Variants in USP32 observed in about 807,000 individuals in gnomAD.
USP32 encodes the protein ubiquitin specific peptidase 32.
USP32 carries 59 observed loss-of-function variants against 204.8 expected under a neutral mutation model. The ratio of observed to expected loss-of-function variants is 0.29; its 90% confidence interval spans 0.23 to 0.36. The LOEUF is 0.36. Ranked by LOEUF, USP32 falls within the 10% of genes least tolerant of loss-of-function variation. USP32 has a pLI of 1.00. For missense variants in USP32, 1,160 were observed against 1,946.4 expected, an observed-to-expected ratio of 0.60 and a Z score of 7.60; for synonymous variants, 517 against 678.4, an observed-to-expected ratio of 0.76 and a Z score of 3.70.
intron 11 of USP32, among the ~76,000 whole-genome samples, chr17:60,242,498 C>T (rs186195295): frequency 5.1e-4 from 77 of 152,172 alleles, no homozygotes; most frequent in Non-Finnish European, 9.0e-4. Flanking sequence ...GCAACCTCCG[C>T]CTCCTGGGCT....
At chr17:60,192,986 C>T (rs2084424905) in intron 27 of USP32, 56 bp from the exon 28 acceptor site, 3 of 1,576,800 alleles carry the variant, frequency 1.9e-6, no homozygotes, top group Non-Finnish European at 2.6e-6. Flanking sequence ...CGAGGTCCAA[C>T]TCCTCTTCAT....
intron 28 of USP32, 46 bp from the exon 29 acceptor site, chr17:60,190,729 G>A (rs2084358976): frequency 1.3e-6 from 2 of 1,565,600 alleles, no homozygotes; most frequent in South Asian, 1.2e-5. Flanking sequence ...AATTATGAAG[G>A]AATCTAAATT....
intron 1 of USP32, among the ~76,000 whole-genome samples, chr17:60,363,946 A>T (rs1424079183): frequency 6.6e-6 from 1 of 152,094 alleles, no homozygotes; most frequent in African/African-American, 2.4e-5. Context: ...GCTTCCCTAA[A>T]GTAATCAGTG....
chr17:60,407,249 G>T (rs1466125641), intron 1 of USP32, among the ~76,000 whole-genome samples: 1 of 152,184 alleles, frequency 6.6e-6, no homozygotes, highest in Non-Finnish European at 1.5e-5. Flanking sequence ...TCAGAAATTT[G>T]CATAGGATCT....
At chr17:60,371,623 A>G (rs1598295618) in intron 1 of USP32, among the ~76,000 whole-genome samples, 1 of 152,184 alleles carries the variant, frequency 6.6e-6, no homozygotes, top group East Asian at 1.9e-4. Flanking sequence ...ATGCACATAT[A>G]AAGGGTGTTC....
At position 60,345,569 on chromosome 17, in the gene USP32, T is replaced by C. The variant is rs150570702; in HGVS notation, c.98A>G (p.Lys33Arg). 9 of 1,614,080 alleles carry C rather than the reference T, an allele frequency of 5.6e-6. No homozygotes were observed. Among genetic ancestry groups the C allele is most frequent in the African/African-American group, 2.7e-5 (2 of 74,926 alleles). ...VELKRLKDAFKRTCGLSYYMG... is the reference protein window; with the variant it reads ...VELKRLKDAFRRTCGLSYYMG... ...GTAATATGAGAGTCCACAGGTCCTC[T>C]TGAAAGCATCCTTCAGTCGTTTTAG... The change falls in exon 2 of 34, where the codon AAG becomes AGG. Residue 33 changes from lysine (K) to arginine (R), a missense_variant. Physicochemically the swap from Lys to Arg is conservative, Grantham distance 26 (BLOSUM62 2). Coordinates refer to ENST00000300896, the MANE Select transcript of USP32 (RefSeq NM_032582.4).
chr17:60,291,859 G>A (rs1364719458), intron 4 of USP32, among the ~76,000 whole-genome samples: 2 of 151,668 alleles, frequency 1.3e-5, no homozygotes, highest in Non-Finnish European at 2.9e-5. Context: ...ACCAACTCAG[G>A]CATTAACTAC....
At chr17:60,223,272 A>G (rs1302488559) in intron 14 of USP32, 139 bp downstream of exon 14, 1 of 679,416 alleles carries the variant, frequency 1.5e-6, no homozygotes, top group Non-Finnish European at 2.4e-6. Flanking sequence ...ACAGAAATGT[A>G]CTATACAAAG....
intron 4 of USP32, among the ~76,000 whole-genome samples, chr17:60,289,298 G>C (rs1483371904): frequency 6.6e-6 from 1 of 152,108 alleles, no homozygotes; most frequent in Non-Finnish European, 1.5e-5. Flanking sequence ...ATGAGCCACC[G>C]TGCCCGGCCA....
intron 5 of USP32, among the ~76,000 whole-genome samples, chr17:60,277,707 T>C (rs1430974331): frequency 1.3e-5 from 2 of 152,160 alleles, no homozygotes; most frequent in African/African-American, 4.8e-5. Context: ...AAATTAGAAT[T>C]TTAACTACTT....
Position 60,208,751 on chromosome 17 carries a change from T to C in USP32, c.2676A>G (p.Lys892=), listed in dbSNP as rs1473072680. The change falls in exon 23 of 34, where the codon AAA becomes AAG. Residue 892 remains lysine (K), a synonymous_variant. Coordinates refer to ENST00000300896, the MANE Select transcript of USP32 (RefSeq NM_032582.4). Reference sequence around the variant, plus strand: ...CACTTATATGCCCACATGTCTTGCATTTTACTTGAGATCTTAGCTGCCCAT... The same window carrying C: ...CACTTATATGCCCACATGTCTTGCACTTTACTTGAGATCTTAGCTGCCCAT... ...LFHGQLRSQV[K]CKTCGHISVR... is the part of the protein sequence containing the mutation. 1.2e-6 allele frequency: 2 copies of C among 1,605,576 alleles called. No individual in the cohort carries two copies. Among genetic ancestry groups the C allele is most frequent in the Non-Finnish European group, 1.7e-6 (2 of 1,177,234 alleles).
At chr17:60,348,414 T>C (rs1034222332) in intron 1 of USP32, among the ~76,000 whole-genome samples, 1 of 151,588 alleles carries the variant, frequency 6.6e-6, no homozygotes, top group African/African-American at 2.4e-5. Flanking sequence ...GAAGGAGAAG[T>C]AGAAGAGTAT....
intron 1 of USP32, among the ~76,000 whole-genome samples, chr17:60,416,293 T>C (rs1046505814): frequency 5.9e-5 from 9 of 152,216 alleles, no homozygotes; most frequent in Admixed American, 2.6e-4. Context: ...TTATTTTCTA[T>C]GTATGCTTAA....
intron 1 of USP32, among the ~76,000 whole-genome samples, chr17:60,373,149 C>T (rs1183311538): frequency 2.6e-5 from 4 of 152,096 alleles, no homozygotes; most frequent in East Asian, 3.9e-4. Flanking sequence ...GCCATGATCA[C>T]GCCACTTCAA....
At chr17:60,218,416 T>C (rs2085160430) in intron 16 of USP32, among the ~76,000 whole-genome samples, 1 of 152,066 alleles carries the variant, frequency 6.6e-6, no homozygotes, top group Non-Finnish European at 1.5e-5. Flanking sequence ...TAAAAGAATC[T>C]TCATATATTA....
At chr17:60,330,524 C>CT (rs962791529) in intron 2 of USP32, among the ~76,000 whole-genome samples, 1 of 147,316 alleles carries the variant, frequency 6.8e-6, no homozygotes, top group African/African-American at 2.6e-5. Flanking sequence ...CTCTCCCCCC[C>CT]TCCCTCCTTT....
intron 13 of USP32, 91 bp downstream of exon 13, chr17:60,225,948 G>A (rs902654806): frequency 2.5e-6 from 3 of 1,199,392 alleles, no homozygotes; most frequent in African/African-American, 5.0e-5. Context: ...GTGAAACTCA[G>A]TCTCAAAAAA....
At chr17:60,388,048 C>T (rs2089762124) in intron 1 of USP32, among the ~76,000 whole-genome samples, 1 of 152,000 alleles carries the variant, frequency 6.6e-6, no homozygotes, top group Non-Finnish European at 1.5e-5. Context: ...TCTTGGTTAT[C>T]CATTTCCTTA....
intron 1 of USP32, among the ~76,000 whole-genome samples, chr17:60,402,568 C>G (rs1217796707): frequency 1.3e-5 from 2 of 152,088 alleles, no homozygotes. Context: ...AGTTATTCTT[C>G]TGAAACGCTA....
Sources: allele counts gnomAD v4.1 joint callset (sites outside exome capture counted in the v4.1 genomes callset), GRCh38; gene constraint gnomAD v4.1.1; transcripts MANE v1.5; gene names NCBI Gene and HGNC (gene_info 2026-07-23, HGNC 2026-07-21).